UNC13C: variants seen among roughly 807,000 people sequenced by gnomAD.
UNC13C encodes unc-13 homolog C, also known as protein unc-13 homolog C.
UNC13C carries 174 observed loss-of-function variants against 245.4 expected under a neutral mutation model. That is an observed-to-expected ratio of 0.71 (90% confidence interval 0.63 to 0.80). The LOEUF is 0.80. UNC13C is among the 30% of genes least tolerant of loss of function. UNC13C has a pLI of 0.00. For missense variants in UNC13C, 2,829 were observed against 2,602.9 expected (o/e 1.09, Z -1.89); for synonymous variants, 992 against 895.1 (o/e 1.11, Z -1.93).
the UNC13C span, among the ~76,000 whole-genome samples, chr15:53,937,695 A>G: frequency 6.6e-6 from 1 of 152,340 alleles, no homozygotes; most frequent in South Asian, 2.1e-4. Flanking sequence ...CCCAGTGGAA[A>G]CCCTACAAGC....
chr15:53,878,472 G>A, the UNC13C span, among the ~76,000 whole-genome samples: 5 of 152,222 alleles, frequency 3.3e-5, no homozygotes, highest in East Asian at 7.7e-4. Flanking sequence ...TTTGTGATGC[G>A]ATGTTCTGTC....
chr15:53,956,111 T>G, the UNC13C span, among the ~76,000 whole-genome samples: 2 of 152,136 alleles, frequency 1.3e-5, no homozygotes, highest in Non-Finnish European at 2.9e-5. Flanking sequence ...CACTTATAGG[T>G]GGGAGTTAAA....
chr15:54,292,713 G>T (rs1225721479), intron 10 of UNC13C, among the ~76,000 whole-genome samples: 1 of 151,534 alleles, frequency 6.6e-6, no homozygotes, highest in Non-Finnish European at 1.5e-5. Context: ...TTAGTTTAAT[G>T]ATAGGTACAA....
At chr15:54,608,762 A>G (rs966693799) in intron 30 of UNC13C, among the ~76,000 whole-genome samples, 1 of 152,222 alleles carries the variant, frequency 6.6e-6, no homozygotes, top group Non-Finnish European at 1.5e-5. Context: ...CTGCTGGGAA[A>G]TGAAACCATA....
chr15:54,159,097 C>T (rs193250568), intron 4 of UNC13C, among the ~76,000 whole-genome samples: 2 of 152,200 alleles, frequency 1.3e-5, no homozygotes, highest in Non-Finnish European at 2.9e-5. Context: ...GATCTTGGCA[C>T]TGCTTAGAAA....
downstream of UNC13C, chr15:54,628,850 C>CAATT (rs1229152822): frequency 3.3e-5 from 5 of 152,040 alleles, no homozygotes; most frequent in African/African-American, 4.8e-5. Flanking sequence ...TAAATTACTT[C>CAATT]AATTATTGTA....
chr15:53,843,278 A>G, the UNC13C span, among the ~76,000 whole-genome samples: 3 of 152,076 alleles, frequency 2.0e-5, no homozygotes, highest in East Asian at 1.9e-4. Context: ...TGTCTCTACC[A>G]AGAAAAAAAA....
chr15:54,188,019 T>C (rs914999809), intron 4 of UNC13C, among the ~76,000 whole-genome samples: 9 of 152,216 alleles, frequency 5.9e-5, no homozygotes, highest in African/African-American at 2.2e-4. Flanking sequence ...AGTTTCATCA[T>C]GTTGGTGAGG....
chr15:53,958,812 T>A, the UNC13C span, among the ~76,000 whole-genome samples: 1 of 152,216 alleles, frequency 6.6e-6, no homozygotes. Context: ...TTGGGAGCAT[T>A]ACAGTTCTTG....
Position 54,187,287 on chromosome 15 carries a change from A to G in UNC13C, c.3071+43603A>G, listed in dbSNP as rs765763201. On this transcript the variant is annotated intron_variant, in intron 4 of 32. Transcript: ENST00000260323. ...ATGCTGTCTTAATTGGCATTTCTACATCCATTCTTGCTCCACAAGAAGATG... is the reference window on the plus strand; with the variant it reads ...ATGCTGTCTTAATTGGCATTTCTACGTCCATTCTTGCTCCACAAGAAGATG... Among the ~76,000 whole-genome samples the G allele has an allele frequency of 2.6e-5, 4 of 152,186 alleles. No individual in the cohort carries two copies. The South Asian group carries it at 6.2e-4, about 24-fold the overall frequency.
intron 19 of UNC13C, among the ~76,000 whole-genome samples, chr15:54,416,699 TC>T (rs2040529595): frequency 6.6e-6 from 1 of 152,046 alleles, no homozygotes; most frequent in African/African-American, 2.4e-5. Context: ...ATACTCTGCA[TC>T]CCCCCACCCT....
rs73417779 is a variant in UNC13C at position 54,397,373 on chromosome 15, T to G, written c.4847+4192T>G. Among the ~76,000 whole-genome samples, 1,373 of 151,676 alleles carry G rather than the reference T, an allele frequency of 9.1e-3. 14 individuals are homozygous for G. Among genetic ancestry groups the G allele is most frequent in the African/African-American group, 0.031 (1,308 of 41,530 alleles). ...TAATTCTGAAGTTCTTTGTAATCTG[T>G]TCCACTGATCTATATAGCCGTAATT... On this transcript the variant is annotated intron_variant, in intron 18 of 32. Coordinates refer to ENST00000260323, the MANE Select transcript of UNC13C (RefSeq NM_001080534.3).
chr15:54,458,517 C>A (rs1891656940), intron 19 of UNC13C, among the ~76,000 whole-genome samples: 1 of 151,842 alleles, frequency 6.6e-6, no homozygotes, highest in African/African-American at 2.4e-5. Flanking sequence ...ATTTTGTTGC[C>A]ATCTATCTCA....
At chr15:53,863,676 A>G in the UNC13C span, among the ~76,000 whole-genome samples, 1 of 152,202 alleles carries the variant, frequency 6.6e-6, no homozygotes. Context: ...TACTCCATAG[A>G]AGATTCAAGG....
the UNC13C span, among the ~76,000 whole-genome samples, chr15:53,885,093 A>G: frequency 3.3e-5 from 5 of 152,332 alleles, no homozygotes; most frequent in Non-Finnish European, 5.9e-5. Context: ...TTATAAATAG[A>G]AAGTCAGGGG....
chr15:54,228,580 G>T (rs555526320), intron 4 of UNC13C, among the ~76,000 whole-genome samples: 1 of 152,092 alleles, frequency 6.6e-6, no homozygotes, highest in Non-Finnish European at 1.5e-5. Flanking sequence ...AATGAATCCT[G>T]CCAGGACTGG....
chr15:54,504,960 T>C (rs1894403010), intron 22 of UNC13C, among the ~76,000 whole-genome samples: 1 of 152,176 alleles, frequency 6.6e-6, no homozygotes, highest in Non-Finnish European at 1.5e-5. Context: ...TCAGAACTGA[T>C]TGTAGCTGAA....
At chr15:54,560,669 G>A (rs1056354145) in intron 29 of UNC13C, among the ~76,000 whole-genome samples, 1 of 151,664 alleles carries the variant, frequency 6.6e-6, no homozygotes, top group African/African-American at 2.4e-5. Context: ...ATGTCATAAG[G>A]TGGCTATGAA....
intron 2 of UNC13C, chr15:54,049,879 C>A: frequency 8.5e-6 from 2 of 234,274 alleles, no homozygotes; most frequent in South Asian, 6.2e-5. Context: ...TATTTACAGT[C>A]TTCACCAGCA....
Sources: gnomAD v4.1 joint callset for allele counts (sites outside exome capture counted in the v4.1 genomes callset) on GRCh38, gnomAD v4.1.1 for gene constraint, MANE v1.5 for transcripts, NCBI Gene and HGNC (gene_info 2026-07-23, HGNC 2026-07-21) for gene names.